Variants in MDH2 observed in about 807,000 individuals in gnomAD.
MDH2 encodes the protein malate dehydrogenase, mitochondrial.
MDH2 carries 25 observed loss-of-function variants against 33.6 expected under a neutral mutation model. The observed-to-expected ratio is 0.74, with a 90% confidence interval of 0.54 to 1.04. MDH2 has a LOEUF of 1.04. Among genes scored for constraint, MDH2 ranks in the 50% least tolerant of loss-of-function variants. MDH2 has a pLI of 0.00. For synonymous variants in MDH2, 193 were observed against 188.7 expected (o/e 1.02, Z -0.19); for missense variants, 432 against 445.0 (o/e 0.97, Z 0.26).
intron 1 of MDH2, among the ~76,000 whole-genome samples, chr7:76,049,561 G>T (rs1319544299): frequency 6.6e-6 from 1 of 152,122 alleles, no homozygotes; most frequent in African/African-American, 2.4e-5. Flanking sequence ...GGACAGGAGG[G>T]ATGAGGTGTG....
chr7:76,063,306 G>A lies in MDH2; in HGVS notation c.556-209G>A, dbSNP rs1215429526. Among the ~76,000 whole-genome samples the A allele has an allele frequency of 5.3e-5, 8 of 152,220 alleles. No individual in the cohort carries two copies. In the East Asian group the frequency reaches 7.7e-4, roughly 15 times the overall value. On this transcript the variant is annotated intron_variant, in intron 5 of 8. Coordinates refer to ENST00000315758, the MANE Select transcript of MDH2 (RefSeq NM_005918.4). ...TCGCCAGACGGCGGCAAGCCCTCAC[G>A]GCACCTGCTGGCGCTCATGCTCAGC...
At chr7:76,053,260 A>G (rs144644776) in intron 1 of MDH2, among the ~76,000 whole-genome samples, 155 of 152,254 alleles carry the variant, frequency 1.0e-3, no homozygotes, top group African/African-American at 3.6e-3. Flanking sequence ...GGGGGGCAGG[A>G]TAAATGGACA....
At chr7:76,055,091 T>C (rs1797729726) in intron 2 of MDH2, 93 bp downstream of exon 2, 3 of 1,371,278 alleles carry the variant, frequency 2.2e-6, no homozygotes, top group Non-Finnish European at 2.9e-6. Context: ...AACTAAATGT[T>C]TAGAGACGGG....
chr7:76,057,900 T>C (rs2116675224), intron 3 of MDH2, 69 bp from the exon 4 acceptor site: 2 of 1,469,296 alleles, frequency 1.4e-6, no homozygotes, highest in Non-Finnish European at 1.9e-6. Context: ...CAGCTGGCGC[T>C]CAGCACATGC....
chr7:76,062,314 A>G (rs920155387), intron 5 of MDH2, among the ~76,000 whole-genome samples: 7 of 152,196 alleles, frequency 4.6e-5, no homozygotes, highest in African/African-American at 1.7e-4. Flanking sequence ...ATACATTTCT[A>G]GGAGTCTTGT....
chr7:76,048,819 C>G, intron 1 of MDH2: 1 of 1,215,548 alleles, frequency 8.2e-7, no homozygotes, highest in Non-Finnish European at 1.0e-6. Flanking sequence ...CGCCAGGTGT[C>G]TTAACAGTGC....
intron 1 of MDH2, among the ~76,000 whole-genome samples, chr7:76,052,782 G>C (rs1361232958): frequency 6.6e-6 from 1 of 152,046 alleles, no homozygotes; most frequent in African/African-American, 2.4e-5. Context: ...CTGACTTAAG[G>C]TGATCCACCT....
At chr7:76,050,272 C>T (rs1797580627) in intron 1 of MDH2, among the ~76,000 whole-genome samples, 2 of 152,228 alleles carry the variant, frequency 1.3e-5, no homozygotes, top group Non-Finnish European at 2.9e-5. Context: ...TTAAGTGATC[C>T]ACCCTCCTTG....
chr7:76,060,227 A>G (rs375582963), intron 4 of MDH2, 146 bp from the exon 5 acceptor site: 6 of 1,059,280 alleles, frequency 5.7e-6, no homozygotes, highest in South Asian at 1.7e-5. Flanking sequence ...TTGCCAGTAC[A>G]GAGTTATCAG....
chr7:76,062,479 C>T (rs1011680877), intron 5 of MDH2, among the ~76,000 whole-genome samples: 1 of 152,244 alleles, frequency 6.6e-6, no homozygotes, highest in African/African-American at 2.4e-5. Context: ...CTACTTTTCC[C>T]GTGCGTGAGG....
intron 1 of MDH2, 67 bp downstream of exon 1, chr7:76,048,293 C>G: frequency 2.7e-6 from 4 of 1,504,328 alleles, no homozygotes; most frequent in Non-Finnish European, 3.5e-6. Context: ...GTCCCCGGTT[C>G]GCGGGCAGCT....
chr7:76,048,847 C>T, intron 1 of MDH2: 1 of 1,198,786 alleles, frequency 8.3e-7, no homozygotes, highest in Non-Finnish European at 1.0e-6. Context: ...GGCCCGCGAC[C>T]ACTTAAGCCT....
chr7:76,055,825 A>AC (rs1282064139), intron 2 of MDH2, among the ~76,000 whole-genome samples: 1 of 129,468 alleles, frequency 7.7e-6, no homozygotes, highest in Non-Finnish European at 1.6e-5. Flanking sequence ...TTTGCATGTC[A>AC]CCAAATTTTT....
chr7:76,054,818 G>A lies in MDH2; in HGVS notation c.67-12G>A. 6 of 1,613,970 alleles carry A rather than the reference G, an allele frequency of 3.7e-6. No homozygotes were observed. The highest frequency in any genetic ancestry group is 5.1e-6 in the Non-Finnish European group (6 of 1,179,966). On this transcript the variant is annotated splice_polypyrimidine_tract_variant and intron_variant, in intron 1 of 8. Coordinates refer to ENST00000315758, the MANE Select transcript of MDH2 (RefSeq NM_005918.4). Reference sequence around the variant, plus strand: ...TTCCTCCTAAGAGTCCTTTCTCTGTGCCTCTTTTTAGAACAATGCTAAAGT... The same window carrying A: ...TTCCTCCTAAGAGTCCTTTCTCTGTACCTCTTTTTAGAACAATGCTAAAGT...
In MDH2 at chr7:76,064,433, G is replaced by A. The variant is rs1798038743; in HGVS notation, c.728G>A (p.Gly243Glu). 1 of 1,612,166 alleles carries A rather than the reference G, an allele frequency of 6.2e-7. No individual in the cohort carries two copies. Among genetic ancestry groups the A allele is most frequent in the Non-Finnish European group, 8.5e-7 (1 of 1,179,316 alleles). ...AGTEVVKAKA[G>E]AGSATLSMAY... ...ACGGAGGTGGTCAAGGCTAAAGCCG[G>A]AGCAGGTAGAGTCTCAGGCAGCCCC... Residue 243 changes from glycine (G) to glutamate (E), a missense_variant, in exon 7 of 9, where the codon GGA becomes GAA. Transcript: ENST00000315758.
At chr7:76,060,920 G>C (rs183783474) in intron 5 of MDH2, among the ~76,000 whole-genome samples, 241 of 152,064 alleles carry the variant, frequency 1.6e-3, no homozygotes, top group African/African-American at 5.7e-3. Flanking sequence ...ACTGAGGAAA[G>C]TGCCAGAAGT....
rs190412959 is a variant in MDH2 at position 76,062,524 on chromosome 7, C to G, written c.556-991C>G. On this transcript the variant is annotated intron_variant, in intron 5 of 8. Coordinates refer to ENST00000315758, the MANE Select transcript of MDH2 (RefSeq NM_005918.4). ...CCTCTCCCAGACCAGGCTCATTTTC[C>G]AACCTAGGACTGGGCTCTTCAGTGG... 9.2e-5 allele frequency among the ~76,000 whole-genome samples: 14 copies of G among 152,370 alleles called. No homozygotes were observed. In the East Asian group the frequency reaches 2.7e-3, roughly 29 times the overall value.
At chr7:76,063,460 T>C (rs1798006752) in intron 5 of MDH2, 55 bp from the exon 6 acceptor site, 1 of 1,552,412 alleles carries the variant, frequency 6.4e-7, no homozygotes, top group Admixed American at 1.7e-5. Context: ...AGCTGTGACA[T>C]GTTTTACAGT....
Position 76,066,275 on chromosome 7 carries a change from T to G in MDH2, c.886-4T>G. 6.2e-7 allele frequency: 1 copy of G among 1,604,682 alleles called. No individual in the cohort carries two copies. The highest frequency in any genetic ancestry group is 8.5e-7 in the Non-Finnish European group (1 of 1,175,768). ...TCATTTTAACATGTTCCCATCTCCC[T>G]CAGAAAAAGGGCATCGAGAAGAACC... On this transcript the variant is annotated splice_polypyrimidine_tract_variant and splice_region_variant and intron_variant, in intron 8 of 8. Coordinates refer to ENST00000315758, the MANE Select transcript of MDH2 (RefSeq NM_005918.4).
Sources: allele counts gnomAD v4.1 joint callset (sites outside exome capture counted in the v4.1 genomes callset), GRCh38; gene constraint gnomAD v4.1.1; transcripts MANE v1.5; gene names NCBI Gene and HGNC (gene_info 2026-07-23, HGNC 2026-07-21).